The following SMPD4 variants were observed in gnomAD, a reference collection of about 807,000 sequenced individuals.
SMPD4 encodes neutral sphingomyelinase 3.
Under a neutral mutation model 97.8 loss-of-function variants are expected in SMPD4, and 58 were observed. The observed-to-expected ratio is 0.59, with a 90% CI of 0.48 to 0.74. The LOEUF is 0.74. Ranked by LOEUF, SMPD4 falls within the 30% of genes least tolerant of loss-of-function variation. The pLI is 0.00. For synonymous variants in SMPD4, 388 were observed against 450.0 expected, an observed-to-expected ratio of 0.86 and a Z score of 1.74; for missense variants, 853 against 1,080.5, an observed-to-expected ratio of 0.79 and a Z score of 2.95.
intron 9 of SMPD4, among the ~76,000 whole-genome samples, chr2:130,166,757 T>C (rs1178327329): frequency 6.6e-6 from 1 of 152,174 alleles, no homozygotes; most frequent in African/African-American, 2.4e-5. Context: ...GCCCATACCA[T>C]CCTGACAGGC....
intron 17 of SMPD4, 30 bp from the exon 18 acceptor site, chr2:130,153,480 C>T (rs1686439294): frequency 6.2e-7 from 1 of 1,611,886 alleles, no homozygotes; most frequent in Non-Finnish European, 8.5e-7. Context: ...CTGCCCTCAG[C>T]ATCAAGATGA....
At chr2:130,161,055 C>T (rs1267085867) in intron 11 of SMPD4, 131 bp downstream of exon 11, 3 of 824,870 alleles carry the variant, frequency 3.6e-6, no homozygotes, top group Non-Finnish European at 5.8e-6. Flanking sequence ...CCCTGCCTCC[C>T]CCCGACACAG....
At chr2:130,161,631 C>T (rs751091227) in intron 10 of SMPD4, among the ~76,000 whole-genome samples, 2 of 152,106 alleles carry the variant, frequency 1.3e-5, no homozygotes, top group Non-Finnish European at 2.9e-5. Flanking sequence ...CTTGGAAGGG[C>T]CCAACTCACT....
intron 11 of SMPD4, chr2:130,157,650 G>A: frequency 1.5e-6 from 1 of 683,048 alleles, no homozygotes; most frequent in Non-Finnish European, 2.4e-6. Context: ...CACAGCCCTG[G>A]GGAGGCCTCA....
chr2:130,153,282 G>A (rs1379698970), intron 18 of SMPD4, 37 bp downstream of exon 18: 7 of 1,613,208 alleles, frequency 4.3e-6, no homozygotes, highest in Non-Finnish European at 5.1e-6. Flanking sequence ...ACGGGTCAGG[G>A]CCCAGCCTGT....
intron 1 of SMPD4, among the ~76,000 whole-genome samples, chr2:130,180,742 CAGA>C (rs1231826131): frequency 2.6e-5 from 4 of 152,198 alleles, no homozygotes; most frequent in Non-Finnish European, 5.9e-5. Flanking sequence ...CATCTCTGCT[CAGA>C]AGAAGCTTTC....
intron 1 of SMPD4, among the ~76,000 whole-genome samples, chr2:130,180,121 GC>G: frequency 6.7e-6 from 1 of 150,048 alleles, no homozygotes; most frequent in East Asian, 2.0e-4. Context: ...CCGCCACCAC[GC>G]CCGGCTAATT....
At chr2:130,169,717 G>A (rs1688259564) in intron 8 of SMPD4, among the ~76,000 whole-genome samples, 1 of 151,950 alleles carries the variant, frequency 6.6e-6, no homozygotes, top group African/African-American at 2.4e-5. Context: ...CACCATACTT[G>A]GCTAATTTTT....
At chr2:130,177,249 T>C (rs1689061322) in intron 1 of SMPD4, among the ~76,000 whole-genome samples, 1 of 152,154 alleles carries the variant, frequency 6.6e-6, no homozygotes, top group African/African-American at 2.4e-5. Flanking sequence ...CCCAGCTAAT[T>C]TTTGTACTTT....
At chr2:130,173,925 A>G (rs1347188847) in intron 3 of SMPD4, among the ~76,000 whole-genome samples, 1 of 152,016 alleles carries the variant, frequency 6.6e-6, no homozygotes, top group Non-Finnish European at 1.5e-5. Context: ...ATCAAAATAC[A>G]TTTTTTGTGT....
intron 4 of SMPD4, 35 bp downstream of exon 4, chr2:130,173,479 T>G (rs762143633): frequency 2.5e-6 from 4 of 1,585,622 alleles, no homozygotes; most frequent in Non-Finnish European, 2.6e-6. Flanking sequence ...CCATGAGGAA[T>G]CACCCAGCCT....
chr2:130,175,877 G>A lies in SMPD4; in HGVS notation c.39+677C>T, dbSNP rs1401476805. Among the ~76,000 whole-genome samples the A allele has an allele frequency of 1.1e-4, 16 of 152,316 alleles. No individual in the cohort carries two copies. The East Asian group carries it at 2.7e-3, about 26-fold the overall frequency. ...CCAGACCTGTTGACTCTAGTGGGGT[G>A]CACTGAGGAAGAATGTCCTTCCACA... On this transcript the variant is annotated intron_variant, in intron 2 of 19. Transcript: ENST00000680298.
intron 11 of SMPD4, among the ~76,000 whole-genome samples, chr2:130,158,571 G>C (rs1445346929): frequency 1.3e-5 from 2 of 152,124 alleles, no homozygotes; most frequent in East Asian, 3.9e-4. Context: ...GAGCCACTGT[G>C]TCCAGCCTAG....
chr2:130,172,611 C>A lies in SMPD4; in HGVS notation c.507+14G>T, dbSNP rs767199175. On this transcript the variant is annotated intron_variant, in intron 7 of 19. Transcript: ENST00000680298. ...TGGCCCCACCTCTCCCAGCAAAAGG[C>A]ATCCCTTCCTTACCTTCTGAGTGAT... is the stretch of plus-strand genomic sequence containing the variant. 1 of 1,614,172 alleles carries A rather than the reference C, an allele frequency of 6.2e-7. No individual in the cohort carries two copies. Among genetic ancestry groups the A allele is most frequent in the Non-Finnish European group, 8.5e-7 (1 of 1,179,978 alleles).
At chr2:130,174,013 A>G (rs999054973) in intron 3 of SMPD4, among the ~76,000 whole-genome samples, 1 of 152,152 alleles carries the variant, frequency 6.6e-6, no homozygotes, top group Non-Finnish European at 1.5e-5. Context: ...TATAAAATAA[A>G]AAAATAAACA....
chr2:130,169,336 G>A (rs551402431), intron 8 of SMPD4, among the ~76,000 whole-genome samples: 2 of 152,182 alleles, frequency 1.3e-5, no homozygotes, highest in Non-Finnish European at 2.9e-5. Context: ...TGTGAGGCCT[G>A]GTGGCAATAC....
rs1250849824 is a variant in SMPD4, at chr2:130,154,354, C to T, written c.1582G>A (p.Val528Met). The change falls in exon 16 of 20, where the codon GTG (valine) becomes ATG (methionine). Residue 528 changes from valine (V) to methionine (M), a missense_variant. This residue lies in a region of SMPD4 where 511 missense variants were observed against 608.1 expected (regional missense o/e 0.84). Coordinates refer to ENST00000680298, the MANE Select transcript of SMPD4 (RefSeq NM_017951.5). ...PPAVTDASFK[V>M]KSHVYSLEGQ... ...TCCAGGCTGTAGACGTGGCTCTTCA[C>T]CTTGAAGGAGGCATCAGTGACCGCT... is the stretch of plus-strand genomic sequence containing the variant. 1.9e-6 allele frequency: 3 copies of T among 1,612,212 alleles called. No individual in the cohort carries two copies. Among genetic ancestry groups the T allele is most frequent in the Non-Finnish European group, 2.5e-6 (3 of 1,179,416 alleles).
rs1204914144 is a variant in SMPD4 at position 130,154,441 on chromosome 2, G to A, written c.1495C>T (p.Arg499Cys). The stretch of plus-strand genomic sequence containing the variant: ...GGGGCCGTGAAGAGTCGGTGCTGGC[G>A]GTGGGGGATGACCAGCTCTGGCTCC... ...FLEPELVIPH[R>C]QHRLFTAPTF... The change falls in exon 16 of 20, where the codon CGC becomes TGC. Residue 499 changes from arginine (R) to cysteine (C), a missense_variant. Physicochemically the swap from Arg to Cys is radical, Grantham distance 180. Coordinates refer to ENST00000680298, the MANE Select transcript of SMPD4 (RefSeq NM_017951.5). 8.9e-6 allele frequency: 14 copies of A among 1,565,382 alleles called. No individual in the cohort carries two copies. The highest frequency in any genetic ancestry group is 3.7e-5 in the Admixed American group (2 of 53,472).
chr2:130,180,628 G>C (rs574165776), intron 1 of SMPD4, among the ~76,000 whole-genome samples: 1 of 152,162 alleles, frequency 6.6e-6, no homozygotes, highest in African/African-American at 2.4e-5. Flanking sequence ...CAGTCCTAAG[G>C]CACTTGGTCA....
Sources: allele counts gnomAD v4.1 joint callset (sites outside exome capture counted in the v4.1 genomes callset), GRCh38; gene constraint gnomAD v4.1.1; regional missense constraint gnomAD v4.1.1; transcripts MANE v1.5; gene names NCBI Gene and HGNC (gene_info 2026-07-23, HGNC 2026-07-21).